Variants in STK39 observed in about 807,000 individuals in gnomAD.
The protein encoded by STK39 is serine/threonine kinase 39, also known as STE20/SPS1-related proline-alanine-rich protein kinase.
STK39 carries 20 observed loss-of-function variants against 77.8 expected under a neutral mutation model. The observed-to-expected ratio is 0.26, with a 90% CI of 0.18 to 0.37. STK39 has a LOEUF of 0.37. STK39 is among the 10% of genes least tolerant of loss of function. The pLI, the probability that STK39 is intolerant of heterozygous loss-of-function variation, is 1.00. For synonymous variants in STK39, 246 were observed against 234.1 expected (o/e 1.05, Z -0.47); for missense variants, 479 against 656.5 (o/e 0.73, Z 2.95).
rs561063449 is a variant in STK39, at chr2:168,012,621, A to G, written c.1498+13T>C. 8 of 1,612,112 alleles carry G rather than the reference A, an allele frequency of 5.0e-6. No homozygotes were observed. The African/African-American group carries it at 9.3e-5, about 19-fold the overall frequency. On this transcript the variant is annotated intron_variant, in intron 16 of 17. Coordinates refer to ENST00000355999, the MANE Select transcript of STK39 (RefSeq NM_013233.3). ...ACCAACAAAATGACAGTGCATACTA[A>G]AAAACAATTTACCTATAACTACATC...
intron 10 of STK39, among the ~76,000 whole-genome samples, chr2:168,120,394 G>T (rs1687373843): frequency 6.6e-6 from 1 of 152,158 alleles, no homozygotes; most frequent in Non-Finnish European, 1.5e-5. Context: ...ACATACCAAA[G>T]CGCTTATTCT....
At chr2:167,959,379 C>G (rs1691877041) in intron 17 of STK39, among the ~76,000 whole-genome samples, 1 of 151,938 alleles carries the variant, frequency 6.6e-6, no homozygotes, top group Non-Finnish European at 1.5e-5. Context: ...CATGCCTCGG[C>G]CTCCCAAAGT....
intron 16 of STK39, among the ~76,000 whole-genome samples, chr2:167,997,708 T>C: frequency 6.6e-6 from 1 of 152,106 alleles, no homozygotes; most frequent in East Asian, 1.9e-4. Context: ...TAAAAGCTAA[T>C]AACAAAAAGT....
chr2:168,106,335 AAAGATATTGATC>A (rs1339462248), intron 10 of STK39, among the ~76,000 whole-genome samples: 3 of 152,184 alleles, frequency 2.0e-5, no homozygotes, highest in Non-Finnish European at 2.9e-5. Flanking sequence ...GATTCAATGA[AAAGATATTGATC>A]AAGCACTTGG....
At chr2:168,124,700 A>C (rs977866450) in intron 10 of STK39, among the ~76,000 whole-genome samples, 1 of 152,082 alleles carries the variant, frequency 6.6e-6, no homozygotes, top group Non-Finnish European at 1.5e-5. Flanking sequence ...CGCCCAACCC[A>C]TATGTTGGTT....
chr2:168,100,992 T>C (rs1302181330), intron 10 of STK39, among the ~76,000 whole-genome samples: 1 of 152,036 alleles, frequency 6.6e-6, no homozygotes. Context: ...TTAAAGAAAA[T>C]GTGGCACATA....
chr2:168,020,377 C>A (rs1684539700), intron 14 of STK39, among the ~76,000 whole-genome samples: 1 of 152,058 alleles, frequency 6.6e-6, no homozygotes, highest in African/African-American at 2.4e-5. Flanking sequence ...ACAATTGTTT[C>A]TGCAAGCTGT....
intron 13 of STK39, among the ~76,000 whole-genome samples, chr2:168,064,319 A>G (rs1182261962): frequency 6.6e-6 from 1 of 152,116 alleles, no homozygotes; most frequent in Non-Finnish European, 1.5e-5. Context: ...CTGATCCATT[A>G]TTATTCTTAA....
intron 16 of STK39, among the ~76,000 whole-genome samples, chr2:167,968,340 T>C (rs1424294827): frequency 6.6e-6 from 1 of 151,686 alleles, no homozygotes; most frequent in Non-Finnish European, 1.5e-5. Context: ...CTAGTTCTGT[T>C]TTAAGTTATT....
At chr2:168,121,818 T>C (rs1687413212) in intron 10 of STK39, among the ~76,000 whole-genome samples, 1 of 152,210 alleles carries the variant, frequency 6.6e-6, no homozygotes, top group Non-Finnish European at 1.5e-5. Context: ...CCAGACATCC[T>C]GCACAGATCA....
intron 16 of STK39, among the ~76,000 whole-genome samples, chr2:167,978,246 C>T (rs1201815882): frequency 6.6e-6 from 1 of 152,108 alleles, no homozygotes; most frequent in Admixed American, 6.5e-5. Context: ...ATATGTTAAT[C>T]CTACAAAGGC....
intron 10 of STK39, among the ~76,000 whole-genome samples, chr2:168,128,987 A>C (rs1292058706): frequency 6.6e-6 from 1 of 152,202 alleles, no homozygotes; most frequent in Non-Finnish European, 1.5e-5. Context: ...AAATACATAA[A>C]TAAATAAATA....
intron 14 of STK39, among the ~76,000 whole-genome samples, chr2:168,034,382 G>A (rs1033544897): frequency 2.0e-5 from 3 of 152,220 alleles, no homozygotes; most frequent in African/African-American, 2.4e-5. Context: ...GCTTTGTTTG[G>A]TGAAATCAAA....
Position 168,160,569 on chromosome 2 carries a change from G to A in STK39, c.628+1218C>T, listed in dbSNP as rs184428215. ...GCCACTGTTAAGATCACTGGACCTTGATTTCATGAAAGAAGATGAAGTAGT... is the reference window on the plus strand; with the variant it reads ...GCCACTGTTAAGATCACTGGACCTTAATTTCATGAAAGAAGATGAAGTAGT... On this transcript the variant is annotated intron_variant, in intron 5 of 17. Coordinates refer to ENST00000355999, the MANE Select transcript of STK39 (RefSeq NM_013233.3). 4.6e-5 allele frequency among the ~76,000 whole-genome samples: 7 copies of A among 152,020 alleles called. No homozygotes were observed. The South Asian group carries it at 1.3e-3, about 27-fold the overall frequency.
At chr2:168,230,728 C>A (rs1273582881) in intron 1 of STK39, among the ~76,000 whole-genome samples, 2 of 152,146 alleles carry the variant, frequency 1.3e-5, no homozygotes, top group Non-Finnish European at 2.9e-5. Flanking sequence ...AAAAGAGGCA[C>A]CTACCTCAAC....
chr2:168,053,879 T>A (rs993662108), intron 14 of STK39, among the ~76,000 whole-genome samples: 4 of 152,216 alleles, frequency 2.6e-5, no homozygotes, highest in Non-Finnish European at 5.9e-5. Flanking sequence ...GCTGGAGAAT[T>A]ACAGCTGTGA....
intron 5 of STK39, among the ~76,000 whole-genome samples, chr2:168,155,231 C>T (rs1048209190): frequency 1.3e-5 from 2 of 152,188 alleles, no homozygotes; most frequent in East Asian, 1.9e-4. Flanking sequence ...TAAGCTGTTG[C>T]TCAAACAACT....
intron 14 of STK39, among the ~76,000 whole-genome samples, chr2:168,027,589 CATGT>C (rs936112165): frequency 1.3e-5 from 2 of 152,186 alleles, no homozygotes; most frequent in East Asian, 3.9e-4. Context: ...TACACATACA[CATGT>C]ATGTACACAC....
intron 10 of STK39, among the ~76,000 whole-genome samples, chr2:168,114,714 C>A (rs933322457): frequency 2.6e-5 from 4 of 152,158 alleles, no homozygotes; most frequent in African/African-American, 9.7e-5. Flanking sequence ...GCAGTGCTAT[C>A]CTTGAGTGTA....
Sources: gnomAD v4.1 joint callset for allele counts (sites outside exome capture counted in the v4.1 genomes callset) on GRCh38, gnomAD v4.1.1 for gene constraint, MANE v1.5 for transcripts, NCBI Gene and HGNC (gene_info 2026-07-23, HGNC 2026-07-21) for gene names.